The following CRPPA variants were observed in gnomAD, a reference collection of about 807,000 sequenced individuals.
CRPPA encodes the protein CDP-L-ribitol pyrophosphorylase A.
CRPPA carries 43 observed loss-of-function variants against 52.0 expected under a neutral mutation model. The ratio of observed to expected loss-of-function variants is 0.83; its 90% CI spans 0.65 to 1.07. The LOEUF (loss-of-function observed/expected upper bound fraction) is 1.07, where lower values mean the gene tolerates loss of function less well. CRPPA is among the 50% of genes least tolerant of loss of function. CRPPA has a pLI of 0.00. For missense variants in CRPPA, 629 were observed against 551.7 expected (o/e 1.14, Z -1.40); for synonymous variants, 250 against 203.5 (o/e 1.23, Z -1.94).
intron 3 of CRPPA, among the ~76,000 whole-genome samples, chr7:16,346,068 A>G (rs1198873361): frequency 6.6e-6 from 1 of 152,192 alleles, no homozygotes; most frequent in African/African-American, 2.4e-5. Context: ...TTTTATCTCA[A>G]ATATAAAACT....
At chr7:16,238,658 G>T (rs1245400807) in intron 8 of CRPPA, among the ~76,000 whole-genome samples, 2 of 152,050 alleles carry the variant, frequency 1.3e-5, no homozygotes, top group Non-Finnish European at 2.9e-5. Context: ...CTTGTGATAA[G>T]AATTAACATA....
At chr7:16,335,328 G>C (rs1241850140) in intron 3 of CRPPA, among the ~76,000 whole-genome samples, 1 of 152,148 alleles carries the variant, frequency 6.6e-6, no homozygotes, top group Non-Finnish European at 1.5e-5. Flanking sequence ...ATTCAAGCCT[G>C]AGTGACACAG....
At chr7:16,369,218 G>T (rs1317645287) in intron 3 of CRPPA, among the ~76,000 whole-genome samples, 1 of 152,070 alleles carries the variant, frequency 6.6e-6, no homozygotes, top group Non-Finnish European at 1.5e-5. Context: ...CATTTTAAGG[G>T]CTCCCAACAC....
rs10242652 is a variant in CRPPA at position 16,388,165 on chromosome 7, A to G, written c.535-11924T>C. On this transcript the variant is annotated intron_variant, in intron 2 of 9. Transcript: ENST00000407010. ...CACCTAGCTAATATTTGATAGAGAC[A>G]GGGTTTCACTATGTTGCCCAGGCTG... 1.9e-3 allele frequency among the ~76,000 whole-genome samples: 282 copies of G among 152,206 alleles called. 2 individuals are homozygous for G. Among genetic ancestry groups the G allele is most frequent in the African/African-American group, 6.6e-3 (272 of 41,510 alleles).
chr7:16,378,307 G>A (rs190853816), intron 2 of CRPPA, among the ~76,000 whole-genome samples: 15,847 of 123,358 alleles, frequency 0.13, 1,059 homozygotes, highest in South Asian at 0.24. Flanking sequence ...TCCCCTTCCT[G>A]TGTCCATGTG....
intron 3 of CRPPA, among the ~76,000 whole-genome samples, chr7:16,372,665 G>A (rs1786778506): frequency 6.6e-6 from 1 of 152,064 alleles, no homozygotes; most frequent in Non-Finnish European, 1.5e-5. Flanking sequence ...GAGCTAACAT[G>A]ATAAATAGAA....
At chr7:16,317,033 A>C (rs1785158593) in intron 3 of CRPPA, among the ~76,000 whole-genome samples, 1 of 152,174 alleles carries the variant, frequency 6.6e-6, no homozygotes, top group South Asian at 2.1e-4. Context: ...ATTTAAAGCA[A>C]TGTATAAACT....
At chr7:16,367,750 C>G (rs370750984) in intron 3 of CRPPA, among the ~76,000 whole-genome samples, 175 of 152,160 alleles carry the variant, frequency 1.2e-3, no homozygotes, top group African/African-American at 3.9e-3. Flanking sequence ...CTATTATATT[C>G]AGCTACCCAC....
At chr7:16,252,127 G>A (rs1583466976) in intron 8 of CRPPA, among the ~76,000 whole-genome samples, 1 of 152,062 alleles carries the variant, frequency 6.6e-6, no homozygotes, top group Non-Finnish European at 1.5e-5. Flanking sequence ...CAATATCCCT[G>A]TTGAACATCG....
At chr7:16,106,686 C>T (rs1782159411) in intron 9 of CRPPA, among the ~76,000 whole-genome samples, 1 of 152,106 alleles carries the variant, frequency 6.6e-6, no homozygotes, top group Non-Finnish European at 1.5e-5. Flanking sequence ...GCTGCTGTCT[C>T]AAATGTACAG....
At position 16,412,176 on chromosome 7, in the gene CRPPA, ACT is replaced by A. The variant is rs954701730; in HGVS notation, c.258-5841_258-5840del. On this transcript the variant is annotated intron_variant, in intron 1 of 9. Coordinates refer to ENST00000407010, the MANE Select transcript of CRPPA (RefSeq NM_001101426.4). Reference sequence around the variant, plus strand: ...ACACTATTTCAAACAATTGTATGAGACTCTAAACAGAAAATGGCATTTTAAAC... The same window carrying A: ...ACACTATTTCAAACAATTGTATGAGACTAAACAGAAAATGGCATTTTAAAC... Among the ~76,000 whole-genome samples, 6 of 152,294 alleles carry A rather than the reference ACT, an allele frequency of 3.9e-5. No individual in the cohort carries two copies. In the East Asian group the frequency reaches 1.2e-3, roughly 29 times the overall value.
intron 9 of CRPPA, among the ~76,000 whole-genome samples, chr7:16,169,073 C>T (rs1026979344): frequency 6.6e-6 from 1 of 152,110 alleles, no homozygotes; most frequent in Admixed American, 6.5e-5. Flanking sequence ...ACAAGAACTT[C>T]ATTCTCCTTA....
At chr7:16,178,554 G>A (rs1299566984) in intron 9 of CRPPA, among the ~76,000 whole-genome samples, 10 of 152,118 alleles carry the variant, frequency 6.6e-5, no homozygotes, top group Admixed American at 2.6e-4. Flanking sequence ...TATCAAAAAC[G>A]TTTTATCCTC....
At chr7:16,341,412 A>T (rs1179879306) in intron 3 of CRPPA, among the ~76,000 whole-genome samples, 1 of 152,062 alleles carries the variant, frequency 6.6e-6, no homozygotes, top group African/African-American at 2.4e-5. Context: ...AAATTGCTCT[A>T]AAAAAAGTCT....
chr7:16,290,374 G>T (rs1006374280), intron 5 of CRPPA, among the ~76,000 whole-genome samples: 9 of 151,724 alleles, frequency 5.9e-5, no homozygotes, highest in Admixed American at 5.9e-4. Context: ...AACAAAGCTA[G>T]ATGCATCATA....
chr7:16,395,109 T>C (rs75119966), intron 2 of CRPPA, among the ~76,000 whole-genome samples: 4,667 of 152,264 alleles, frequency 0.031, 224 homozygotes, highest in African/African-American at 0.1. Flanking sequence ...GCATCATTCC[T>C]GACTTATCAA....
chr7:16,368,244 TC>T (rs1485843878), intron 3 of CRPPA, among the ~76,000 whole-genome samples: 1 of 152,240 alleles, frequency 6.6e-6, no homozygotes, highest in African/African-American at 2.4e-5. Context: ...TTCTTCATGT[TC>T]CTGAAGATCG....
At chr7:16,413,496 T>C (rs922963762) in intron 1 of CRPPA, among the ~76,000 whole-genome samples, 3 of 152,236 alleles carry the variant, frequency 2.0e-5, no homozygotes, top group Admixed American at 6.5e-5. Flanking sequence ...TCTGAATCTC[T>C]AATACAGTTA....
At chr7:16,110,608 C>G (rs1261158775) in intron 9 of CRPPA, among the ~76,000 whole-genome samples, 1 of 151,846 alleles carries the variant, frequency 6.6e-6, no homozygotes, top group Non-Finnish European at 1.5e-5. Flanking sequence ...CAAAGACCAA[C>G]AAAACAGAGT....
Sources: gnomAD v4.1 joint callset for allele counts (sites outside exome capture counted in the v4.1 genomes callset) on GRCh38, gnomAD v4.1.1 for gene constraint, MANE v1.5 for transcripts, NCBI Gene and HGNC (gene_info 2026-07-23, HGNC 2026-07-21) for gene names.